The following TNNI3K variants were observed in gnomAD, a reference collection of about 807,000 sequenced individuals.
TNNI3K encodes the protein TNNI3 interacting kinase, also known as serine/threonine-protein kinase TNNI3K.
In TNNI3K, 140 loss-of-function variants were observed where a neutral mutation model predicts 114.5. The ratio of observed to expected loss-of-function variants is 1.22; its 90% CI spans 1.07 to 1.41. The LOEUF is 1.41. Ranked by LOEUF, TNNI3K falls within the 40% of genes most tolerant of loss-of-function variation. The probability of loss-of-function intolerance (pLI) is 0.00; values close to 1 mark genes in which losing one functional copy is unlikely to be tolerated. For missense variants in TNNI3K, 1,125 were observed against 1,007.6 expected, an observed-to-expected ratio of 1.12 and a Z score of -1.58; for synonymous variants, 347 against 347.5, an observed-to-expected ratio of 1.00 and a Z score of 0.02.
chr1:74,537,591 T>A (rs1557635599), intron 23 of TNNI3K, among the ~76,000 whole-genome samples: 1 of 152,230 alleles, frequency 6.6e-6, no homozygotes, highest in Non-Finnish European at 1.5e-5. Flanking sequence ...TACATACTTT[T>A]ATTTTAAGTA....
chr1:74,326,292 T>C (rs1467417825), intron 5 of TNNI3K, among the ~76,000 whole-genome samples: 1 of 152,184 alleles, frequency 6.6e-6, no homozygotes, highest in Non-Finnish European at 1.5e-5. Context: ...CCATGGGACA[T>C]TTGGTTCCTC....
chr1:74,282,947 C>A (rs895918840), intron 5 of TNNI3K, among the ~76,000 whole-genome samples: 2 of 152,144 alleles, frequency 1.3e-5, no homozygotes, highest in Admixed American at 1.3e-4. Context: ...CGATGCACAT[C>A]ATTATAAATT....
chr1:74,263,037 A>G (rs1655771258), intron 4 of TNNI3K, among the ~76,000 whole-genome samples: 1 of 152,102 alleles, frequency 6.6e-6, no homozygotes. Flanking sequence ...TGAAAGACAG[A>G]CAATGATAAA....
At position 74,336,070 on chromosome 1, in the gene TNNI3K, T is replaced by A; in HGVS notation, c.603T>A (p.Asp201Glu). Residue 201 changes from aspartate to glutamate, a missense_variant, in exon 7 of 25, where the codon GAT becomes GAA. Transcript: ENST00000326637. Reference protein sequence around the residue: ...ADVNVSGEVGDRPLHLASAKG... With the variant: ...ADVNVSGEVGERPLHLASAKG... ...TAAATGTAAGTGGTGAAGTTGGAGA[T>A]AGACCCCTCCACCTAGCATCTGCAA... is the stretch of plus-strand genomic sequence containing the variant. 1 of 1,602,680 alleles carries A rather than the reference T, an allele frequency of 6.2e-7. No individual in the cohort carries two copies. Among genetic ancestry groups the A allele is most frequent in the Non-Finnish European group, 8.5e-7 (1 of 1,176,800 alleles).
At chr1:74,503,524 A>C (rs185289312) in intron 23 of TNNI3K, among the ~76,000 whole-genome samples, 149 of 152,234 alleles carry the variant, frequency 9.8e-4, no homozygotes, top group African/African-American at 3.3e-3. Context: ...AGTTCTATGG[A>C]TCTTGTATGT....
At chr1:74,391,973 T>TA (rs1663806154) in intron 17 of TNNI3K, among the ~76,000 whole-genome samples, 1 of 143,362 alleles carries the variant, frequency 7.0e-6, no homozygotes, top group Non-Finnish European at 1.5e-5. Context: ...TTTTTTTTTT[T>TA]TTTTTTTTTT....
intron 17 of TNNI3K, among the ~76,000 whole-genome samples, chr1:74,430,756 A>G (rs1284168824): frequency 6.6e-6 from 1 of 152,164 alleles, no homozygotes; most frequent in Non-Finnish European, 1.5e-5. Context: ...AGACAAAGCT[A>G]GAGCCAAATC....
At chr1:74,478,869 T>C (rs1452214346) in intron 21 of TNNI3K, among the ~76,000 whole-genome samples, 1 of 152,196 alleles carries the variant, frequency 6.6e-6, no homozygotes, top group Non-Finnish European at 1.5e-5. Context: ...TATGGTAAAT[T>C]ATTTCTTAGC....
At chr1:74,503,409 T>C (rs1179928936) in intron 23 of TNNI3K, among the ~76,000 whole-genome samples, 1 of 152,232 alleles carries the variant, frequency 6.6e-6, no homozygotes, top group African/African-American at 2.4e-5. Flanking sequence ...CAAAAGACTG[T>C]AGTGCTTATT....
At chr1:74,532,076 A>G (rs890109010) in intron 23 of TNNI3K, among the ~76,000 whole-genome samples, 5 of 152,310 alleles carry the variant, frequency 3.3e-5, no homozygotes, top group Middle Eastern at 3.4e-3. Flanking sequence ...TTTCTGCTCA[A>G]CATAGCCCAG....
At chr1:74,243,868 A>G (rs1444893694) in intron 2 of TNNI3K, among the ~76,000 whole-genome samples, 7 of 152,114 alleles carry the variant, frequency 4.6e-5, no homozygotes, top group Admixed American at 1.3e-4. Context: ...GGATATGTTA[A>G]GTTACAGTGT....
At chr1:74,406,448 C>G (rs1287485868) in intron 17 of TNNI3K, among the ~76,000 whole-genome samples, 1 of 152,166 alleles carries the variant, frequency 6.6e-6, no homozygotes, top group Admixed American at 6.6e-5. Flanking sequence ...CTAGAGGTTG[C>G]AATCCTTGCA....
At chr1:74,296,134 G>A (rs953401484) in intron 5 of TNNI3K, among the ~76,000 whole-genome samples, 5 of 151,978 alleles carry the variant, frequency 3.3e-5, no homozygotes, top group African/African-American at 1.2e-4. Flanking sequence ...AAATTAGCCG[G>A]GCGAGGCGGC....
chr1:74,424,930 G>C (rs980104818), intron 17 of TNNI3K, among the ~76,000 whole-genome samples: 1 of 151,888 alleles, frequency 6.6e-6, no homozygotes, highest in African/African-American at 2.4e-5. Flanking sequence ...TGTGCAAAGA[G>C]AAAAAAAGTA....
At chr1:74,359,647 A>G (rs1257743421) in intron 11 of TNNI3K, among the ~76,000 whole-genome samples, 1 of 152,082 alleles carries the variant, frequency 6.6e-6, no homozygotes, top group African/African-American at 2.4e-5. Flanking sequence ...CAAAGACATT[A>G]TTCTAATGTG....
At chr1:74,400,604 C>T (rs551673055) in intron 17 of TNNI3K, among the ~76,000 whole-genome samples, 15 of 152,338 alleles carry the variant, frequency 9.8e-5, no homozygotes, top group South Asian at 2.1e-4. Context: ...TATCATTGCT[C>T]TTTCCCACCT....
At chr1:74,285,135 G>A (rs1036637261) in intron 5 of TNNI3K, among the ~76,000 whole-genome samples, 2 of 152,104 alleles carry the variant, frequency 1.3e-5, no homozygotes, top group Admixed American at 1.3e-4. Flanking sequence ...ATAGTACCTT[G>A]ACTTATAAGG....
chr1:74,541,063 G>A (rs1038685748), intron 24 of TNNI3K, among the ~76,000 whole-genome samples: 1 of 152,128 alleles, frequency 6.6e-6, no homozygotes, highest in Non-Finnish European at 1.5e-5. Context: ...AGCACAATGG[G>A]CCCATTTATC....
chr1:74,388,401 G>T (rs1002186821), intron 17 of TNNI3K, among the ~76,000 whole-genome samples: 1 of 152,170 alleles, frequency 6.6e-6, no homozygotes, highest in Non-Finnish European at 1.5e-5. Context: ...AGAAACAGTG[G>T]AAAAGGAGGA....
Sources: gnomAD v4.1 joint callset for allele counts (sites outside exome capture counted in the v4.1 genomes callset) on GRCh38, gnomAD v4.1.1 for gene constraint, MANE v1.5 for transcripts, NCBI Gene and HGNC (gene_info 2026-07-23, HGNC 2026-07-21) for gene names.